NIFK: variants seen among roughly 807,000 people sequenced by gnomAD.
NIFK encodes the protein nucleolar protein interacting with the FHA domain of MKI67.
A neutral mutation model predicts 31.7 loss-of-function variants in NIFK; 16 were observed. The observed-to-expected ratio is 0.50, with a 90% CI of 0.34 to 0.77. NIFK has a LOEUF of 0.77. NIFK is among the 30% of genes least tolerant of loss of function. The pLI, the probability that NIFK is intolerant of heterozygous loss-of-function variation, is 0.01. For missense variants in NIFK, 341 were observed against 350.4 expected, an observed-to-expected ratio of 0.97 and a Z score of 0.21; for synonymous variants, 126 against 123.0, an observed-to-expected ratio of 1.02 and a Z score of -0.16.
Position 121,731,080 on chromosome 2 carries a change from A to G in NIFK, c.377T>C (p.Val126Ala). ...CCAGTCTTTAAAGAGTTCTTTATGT[A>G]CTTTTTCAGGTGGCATAAAATGACC... ...LECHFMPPEK[V>A]HKELFKDWNI... Residue 126 changes from valine to alanine, a missense_variant, in exon 4 of 7, where the codon GTA becomes GCA. Transcript: ENST00000285814. The G allele has an allele frequency of 6.3e-7, 1 of 1,585,730 alleles. No individual in the cohort carries two copies. Among genetic ancestry groups the G allele is most frequent in the Non-Finnish European group, 8.6e-7 (1 of 1,167,554 alleles).
intron 2 of NIFK, 107 bp from the exon 3 acceptor site, chr2:121,732,311 A>G (rs1238990525): frequency 4.5e-6 from 3 of 670,460 alleles, no homozygotes; most frequent in East Asian, 2.7e-5. Context: ...CCCTTATCAA[A>G]TATTACGTAC....
intron 6 of NIFK, 140 bp downstream of exon 6, chr2:121,728,148 T>C (rs1372041970): frequency 1.8e-5 from 13 of 714,194 alleles, no homozygotes; most frequent in East Asian, 8.4e-5. Context: ...AGGCAGAAAA[T>C]TGCTAAATCA....
rs755049678 is a variant in NIFK at position 121,727,756 on chromosome 2, G to A, written c.850C>T (p.Arg284Trp). The change falls in exon 7 of 7, where the codon CGG (arginine) becomes TGG (tryptophan). Residue 284 changes from arginine (R) to tryptophan (W), a missense_variant. Coordinates refer to ENST00000285814, the MANE Select transcript of NIFK (RefSeq NM_032390.5). The stretch of plus-strand genomic sequence containing the variant: ...TTGCTGCTTCTTCGTCTTTTTTTCC[G>A]TGAATGTGTAGGTGTTTGAGTCTCT... Reference protein sequence around the residue: ...IQETQTPTHSRKKRRRSSNQ With the variant: ...IQETQTPTHSWKKRRRSSNQ The A allele has an allele frequency of 1.4e-5, 22 of 1,597,912 alleles. No individual in the cohort carries two copies. The highest frequency in any genetic ancestry group is 4.6e-5 in the South Asian group (4 of 86,436).
At chr2:121,736,501 G>A (rs894459271) in intron 1 of NIFK, among the ~76,000 whole-genome samples, 1 of 152,188 alleles carries the variant, frequency 6.6e-6, no homozygotes, top group Non-Finnish European at 1.5e-5. Flanking sequence ...AAGGCTCCAG[G>A]GCCTCAGCGG....
chr2:121,730,660 G>A lies in NIFK; in HGVS notation c.564+233C>T, dbSNP rs569386370. The A allele has an allele frequency of 2.1e-4, 97 of 462,956 alleles. 1 individual carries two copies. The highest frequency in any genetic ancestry group is 1.5e-3 in the South Asian group (57 of 38,078). 28.7% of individuals were successfully genotyped at this position (462,956 alleles called of 1,614,324 possible). A position where few individuals can be genotyped will look rare whatever the true frequency, so the allele number is the denominator to read the frequency against. ...GGAGTTCGAGACCAGCCTGGCCAAC[G>A]TGGAGAAACCCCGTCTCTACTAAAA... On this transcript the variant is annotated intron_variant, in intron 4 of 6. Coordinates refer to ENST00000285814, the MANE Select transcript of NIFK (RefSeq NM_032390.5).
intron 2 of NIFK, among the ~76,000 whole-genome samples, chr2:121,735,037 C>A (rs2074569264): frequency 6.6e-6 from 1 of 152,152 alleles, no homozygotes; most frequent in Non-Finnish European, 1.5e-5. Flanking sequence ...TTGAAACAAG[C>A]TATGTAAAGC....
At chr2:121,728,151 C>A in intron 6 of NIFK, 137 bp downstream of exon 6, 1 of 718,522 alleles carries the variant, frequency 1.4e-6, no homozygotes, top group Non-Finnish European at 2.3e-6. Flanking sequence ...CAGAAAATTG[C>A]TAAATCAACA....
At chr2:121,735,548 C>A in intron 2 of NIFK, 65 bp downstream of exon 2, 1 of 1,523,820 alleles carries the variant, frequency 6.6e-7, no homozygotes, top group Non-Finnish European at 9.1e-7. Flanking sequence ...TGAACGTGCT[C>A]TTTAATGTCA....
chr2:121,731,882 T>C (rs191480729), intron 3 of NIFK, among the ~76,000 whole-genome samples: 4 of 152,182 alleles, frequency 2.6e-5, no homozygotes, highest in South Asian at 2.1e-4. Flanking sequence ...ACTTGTCCAG[T>C]TCCATTTAGG....
At chr2:121,732,349 CAT>C in intron 2 of NIFK, 145 bp from the exon 3 acceptor site, 1 of 601,928 alleles carries the variant, frequency 1.7e-6, no homozygotes, top group Non-Finnish European at 3.0e-6. Context: ...CTTCAATTCA[CAT>C]ATTCCGGGGA....
chr2:121,730,735 T>C (rs1048136486), intron 4 of NIFK, 158 bp downstream of exon 4: 3 of 613,514 alleles, frequency 4.9e-6, no homozygotes, highest in Admixed American at 2.9e-5. Flanking sequence ...TCCCAACTAC[T>C]TGGGAGGCTA....
intron 2 of NIFK, among the ~76,000 whole-genome samples, chr2:121,733,747 A>C (rs1346884392): frequency 6.6e-6 from 1 of 152,140 alleles, no homozygotes; most frequent in African/African-American, 2.4e-5. Flanking sequence ...TCAGCGCATC[A>C]CACAAAACAA....
Position 121,731,048 on chromosome 2 carries a change from G to A in NIFK, c.409C>T (p.Pro137Ser), listed in dbSNP as rs764073561. The stretch of plus-strand genomic sequence containing the variant: ...GATGGATATGATGGCTGCTTAAATG[G>A]AATATTCCAGTCTTTAAAGAGTTCT... Reference protein sequence around the residue: ...HKELFKDWNIPFKQPSYPSVK... With the variant: ...HKELFKDWNISFKQPSYPSVK... The change falls in exon 4 of 7, where the codon CCA becomes TCA. Residue 137 changes from proline to serine, a missense_variant. Coordinates refer to ENST00000285814, the MANE Select transcript of NIFK (RefSeq NM_032390.5). 1 of 1,612,782 alleles carries A rather than the reference G, an allele frequency of 6.2e-7. No individual in the cohort carries two copies. Among genetic ancestry groups the A allele is most frequent in the South Asian group, 1.1e-5 (1 of 90,898 alleles).
At chr2:121,730,871 A>C (rs1371692768) in intron 4 of NIFK, 22 bp downstream of exon 4, 1 of 1,571,480 alleles carries the variant, frequency 6.4e-7, no homozygotes, top group East Asian at 2.2e-5. Context: ...CAAACCACAA[A>C]AAAGATTTCA....
At position 121,730,961 on chromosome 2, in the gene NIFK, T is replaced by C. The variant is rs752601808; in HGVS notation, c.496A>G (p.Lys166Glu). The change falls in exon 4 of 7, where the codon AAA (lysine) becomes GAA (glutamate). Residue 166 changes from lysine to glutamate, a missense_variant. Transcript: ENST00000285814. ...TTCCTGAGTAATCTTTCTTTCTTTT[T>C]AAATCGCTCCTCCATCCGTAGCTTT... ...TQKLRMEERF[K>E]KKERLLRKKL... 1.2e-6 allele frequency: 2 copies of C among 1,613,402 alleles called. No individual in the cohort carries two copies. The highest frequency in any genetic ancestry group is 1.7e-5 in the Admixed American group (1 of 60,032).
chr2:121,732,008 A>T (rs2074544195), intron 3 of NIFK, 88 bp downstream of exon 3: 2 of 746,866 alleles, frequency 2.7e-6, no homozygotes, highest in Non-Finnish European at 4.9e-6. Context: ...TGGCATGTCC[A>T]AGCAGCTAGG....
intron 2 of NIFK, among the ~76,000 whole-genome samples, chr2:121,734,974 C>CAT (rs1365151909): frequency 6.6e-6 from 1 of 152,124 alleles, no homozygotes; most frequent in Non-Finnish European, 1.5e-5. Context: ...TGGCTACAAC[C>CAT]AATTAAAGTT....
intron 2 of NIFK, among the ~76,000 whole-genome samples, chr2:121,733,479 C>T (rs935877067): frequency 2.0e-5 from 3 of 151,484 alleles, no homozygotes; most frequent in Non-Finnish European, 4.4e-5. Flanking sequence ...TGTGCCACTG[C>T]ACTCCAGCCT....
chr2:121,735,713 T>G lies in NIFK; in HGVS notation c.143A>C (p.Tyr48Ser), dbSNP rs748810988. Residue 48 changes from tyrosine (Y) to serine (S), a missense_variant, in exon 2 of 7, where the codon TAT (tyrosine) becomes TCT (serine). Coordinates refer to ENST00000285814, the MANE Select transcript of NIFK (RefSeq NM_032390.5). ...KQEQLTPGVV[Y>S]VRHLPNLLDE... is the part of the protein sequence containing the mutation. ...AAGTAGGTTAGGTAGGTGGCGCACA[T>G]AGACTACTCCAGGAGTAAGTTGTTC... 1 of 1,613,478 alleles carries G rather than the reference T, an allele frequency of 6.2e-7. No homozygotes were observed. The highest frequency in any genetic ancestry group is 8.5e-7 in the Non-Finnish European group (1 of 1,179,948).
Sources: allele counts gnomAD v4.1 joint callset (sites outside exome capture counted in the v4.1 genomes callset), GRCh38; gene constraint gnomAD v4.1.1; transcripts MANE v1.5; gene names NCBI Gene and HGNC (gene_info 2026-07-23, HGNC 2026-07-21).